PDE4D: variants seen among roughly 807,000 people sequenced by gnomAD.
PDE4D encodes phosphodiesterase 4D.
PDE4D carries 24 observed loss-of-function variants against 87.4 expected under a neutral mutation model. That is an observed-to-expected ratio of 0.27 (90% CI 0.20 to 0.39). The LOEUF is 0.39. Among genes scored for constraint, PDE4D ranks in the 10% least tolerant of loss-of-function variants. PDE4D has a pLI of 1.00. For synonymous variants in PDE4D, 384 were observed against 383.2 expected (o/e 1.00, Z -0.02); for missense variants, 714 against 1,041.0 (o/e 0.69, Z 4.32).
chr5:60,387,922 C>A (rs1030813066), intron 1 of PDE4D, among the ~76,000 whole-genome samples: 1 of 152,172 alleles, frequency 6.6e-6, no homozygotes, highest in Non-Finnish European at 1.5e-5. Context: ...AGTCTGGTGT[C>A]TTTTGACCAA....
intron 1 of PDE4D, among the ~76,000 whole-genome samples, chr5:60,428,183 C>A (rs1210914377): frequency 1.8e-4 from 28 of 152,126 alleles, no homozygotes; most frequent in Admixed American, 1.8e-3. Context: ...AGGTACAATA[C>A]TGAGTATGAA....
At chr5:60,342,120 G>C (rs1382193556) in intron 1 of PDE4D, among the ~76,000 whole-genome samples, 2 of 152,224 alleles carry the variant, frequency 1.3e-5, no homozygotes, top group Non-Finnish European at 2.9e-5. Flanking sequence ...ATGGAAGACA[G>C]AGAAGAATAA....
At chr5:59,887,494 T>A (rs1465370974) in intron 1 of PDE4D, among the ~76,000 whole-genome samples, 1 of 152,212 alleles carries the variant, frequency 6.6e-6, no homozygotes, top group Admixed American at 6.5e-5. Context: ...ATTCAAGTTA[T>A]AGACTCACAT....
At chr5:59,889,228 T>TAAA (rs58549979) in intron 1 of PDE4D, among the ~76,000 whole-genome samples, 34 of 71,090 alleles carry the variant, frequency 4.8e-4, no homozygotes, top group African/African-American at 1.2e-3. Context: ...AGACTCTGTC[T>TAAA]AAAAAAAAAA....
chr5:59,330,991 T>A (rs751614233), intron 1 of PDE4D, among the ~76,000 whole-genome samples: 32 of 152,160 alleles, frequency 2.1e-4, no homozygotes, highest in Non-Finnish European at 3.5e-4. Flanking sequence ...CGCCTGTCCT[T>A]CTGGATCGCC....
chr5:59,668,827 A>AGAAGAAGAAGAAGAAGAG (rs1746576895), intron 1 of PDE4D, among the ~76,000 whole-genome samples: 13 of 76,928 alleles, frequency 1.7e-4, no homozygotes, highest in South Asian at 5.0e-4. Context: ...AAGAAGAAGA[A>AGAAGAAGAAGAAGAAGAG]GAAGAGGAAG....
chr5:59,913,188 G>T (rs1037828582), intron 3 of PDE4D, among the ~76,000 whole-genome samples: 1 of 152,106 alleles, frequency 6.6e-6, no homozygotes, highest in Admixed American at 6.5e-5. Flanking sequence ...GGAAGGTATT[G>T]GACAAGATAA....
chr5:59,468,681 T>G (rs1275892789), intron 1 of PDE4D, among the ~76,000 whole-genome samples: 2 of 152,188 alleles, frequency 1.3e-5, no homozygotes, highest in Non-Finnish European at 2.9e-5. Flanking sequence ...TTTGATTTTC[T>G]TTTATTTTCA....
intron 6 of PDE4D, among the ~76,000 whole-genome samples, chr5:59,003,983 A>G (rs949430640): frequency 1.5e-4 from 23 of 151,944 alleles, no homozygotes; most frequent in African/African-American, 5.6e-4. Context: ...AAAAAAATCC[A>G]TCCATCCATC....
At chr5:59,426,998 TACACACACACACACACAC>T (rs3061709) in intron 1 of PDE4D, among the ~76,000 whole-genome samples, 4,433 of 125,186 alleles carry the variant, frequency 0.035, 92 homozygotes, top group Non-Finnish European at 0.046. Flanking sequence ...CTTGAAGCTA[TACACACACACACACACAC>T]ACACACACAC....
intron 1 of PDE4D, among the ~76,000 whole-genome samples, chr5:59,415,118 A>G (rs1345617924): frequency 6.6e-6 from 1 of 152,204 alleles, no homozygotes; most frequent in Non-Finnish European, 1.5e-5. Flanking sequence ...GGCAGTGGAA[A>G]TGAAGTCACA....
rs1417270534 is a variant in PDE4D, at chr5:59,647,291, T to G, written c.455+245877A>C. On this transcript the variant is annotated intron_variant, in intron 1 of 14. Coordinates refer to ENST00000340635, the MANE Select transcript of PDE4D (RefSeq NM_001104631.2). ...TAAAGCCAAATATAAAAATGAAACA[T>G]ATCATCAATGACATCTTCAGATAAT... Among the ~76,000 whole-genome samples the G allele has an allele frequency of 2.6e-5, 4 of 152,136 alleles. No individual in the cohort carries two copies. The South Asian group carries it at 8.3e-4, about 32-fold the overall frequency.
intron 1 of PDE4D, among the ~76,000 whole-genome samples, chr5:60,390,644 T>C (rs62372005): frequency 7.5e-5 from 9 of 120,162 alleles, no homozygotes; most frequent in African/African-American, 3.6e-4. Flanking sequence ...GAAATGATAA[T>C]TTAAAAAAAA....
intron 5 of PDE4D, among the ~76,000 whole-genome samples, chr5:59,122,278 C>A (rs1294749589): frequency 6.6e-6 from 1 of 151,648 alleles, no homozygotes; most frequent in Non-Finnish European, 1.5e-5. Context: ...AACTGGAGAT[C>A]TTTATGTTAA....
At chr5:59,434,711 C>T (rs1200139839) in intron 1 of PDE4D, among the ~76,000 whole-genome samples, 1 of 152,028 alleles carries the variant, frequency 6.6e-6, no homozygotes, top group Non-Finnish European at 1.5e-5. Flanking sequence ...GTGTTCCTCC[C>T]CTCCTCCACT....
chr5:58,983,384 G>T (rs1413374128), intron 11 of PDE4D, among the ~76,000 whole-genome samples: 1 of 152,186 alleles, frequency 6.6e-6, no homozygotes, highest in Non-Finnish European at 1.5e-5. Flanking sequence ...CTGATAGATC[G>T]TGTATTACAC....
intron 1 of PDE4D, among the ~76,000 whole-genome samples, chr5:59,494,631 T>C (rs1379586158): frequency 6.6e-6 from 1 of 152,220 alleles, no homozygotes; most frequent in Non-Finnish European, 1.5e-5. Flanking sequence ...AATTAATTAT[T>C]GCAAAGAAAT....
At chr5:60,127,143 C>A (rs1357436447) in intron 2 of PDE4D, among the ~76,000 whole-genome samples, 1 of 152,028 alleles carries the variant, frequency 6.6e-6, no homozygotes, top group Non-Finnish European at 1.5e-5. Context: ...TGAGAAAGTG[C>A]CCTGAGGCAC....
intron 2 of PDE4D, among the ~76,000 whole-genome samples, chr5:60,074,123 T>C (rs1773034436): frequency 6.6e-6 from 1 of 152,160 alleles, no homozygotes; most frequent in Non-Finnish European, 1.5e-5. Context: ...TGTTAGGTTG[T>C]TTATTTTAAA....
Sources: gnomAD v4.1 joint callset for allele counts (sites outside exome capture counted in the v4.1 genomes callset) on GRCh38, gnomAD v4.1.1 for gene constraint, MANE v1.5 for transcripts, NCBI Gene and HGNC (gene_info 2026-07-23, HGNC 2026-07-21) for gene names.